Variants in PIP4K2A observed in about 807,000 individuals in gnomAD.
The protein encoded by PIP4K2A is phosphatidylinositol 5-phosphate 4-kinase type-2 alpha.
A neutral mutation model predicts 42.9 loss-of-function variants in PIP4K2A; 14 were observed. That is an observed-to-expected ratio of 0.33 (90% confidence interval 0.22 to 0.51). The LOEUF (loss-of-function observed/expected upper bound fraction) is 0.51, where lower values mean the gene tolerates loss of function less well. Among genes scored for constraint, PIP4K2A ranks in the 20% least tolerant of loss-of-function variants. The pLI is 0.97. For missense variants in PIP4K2A, 434 were observed against 519.8 expected, an observed-to-expected ratio of 0.83 and a Z score of 1.61; for synonymous variants, 192 against 192.2, an observed-to-expected ratio of 1.00 and a Z score of 0.01.
chr10:22,672,670 C>CT (rs1243531957), intron 1 of PIP4K2A, among the ~76,000 whole-genome samples: 1 of 152,082 alleles, frequency 6.6e-6, no homozygotes, highest in African/African-American at 2.4e-5. Flanking sequence ...CCAGAAGGGC[C>CT]TATTAAGAAG....
intron 1 of PIP4K2A, among the ~76,000 whole-genome samples, chr10:22,664,204 CATATATATATATACATAT>C: frequency 2.1e-5 from 1 of 47,734 alleles, no homozygotes; most frequent in South Asian, 5.2e-4. Context: ...TATATATATA[CATATATATATATACATAT>C]ATATATACAC....
At chr10:22,538,615 A>C (rs993735599) in intron 9 of PIP4K2A, among the ~76,000 whole-genome samples, 10 of 152,332 alleles carry the variant, frequency 6.6e-5, no homozygotes, top group South Asian at 4.1e-4. Context: ...CATGGTTTTC[A>C]ACCAGAGGTG....
chr10:22,666,380 C>G (rs577022081), intron 1 of PIP4K2A, among the ~76,000 whole-genome samples: 60 of 152,260 alleles, frequency 3.9e-4, no homozygotes, highest in Non-Finnish European at 8.1e-4. Flanking sequence ...ATATAAAAGT[C>G]ACGGGAGAAA....
intron 1 of PIP4K2A, among the ~76,000 whole-genome samples, chr10:22,673,575 C>T (rs1239176243): frequency 6.6e-6 from 1 of 151,940 alleles, no homozygotes; most frequent in African/African-American, 2.4e-5. Context: ...CACACAATTC[C>T]AAAACAACCA....
At chr10:22,565,327 T>C (rs1216222210) in intron 6 of PIP4K2A, among the ~76,000 whole-genome samples, 1 of 152,242 alleles carries the variant, frequency 6.6e-6, no homozygotes, top group African/African-American at 2.4e-5. Flanking sequence ...AGGGACCGGC[T>C]AAAGCCATGA....
chr10:22,535,890 GAAA>G lies in PIP4K2A; in HGVS notation c.*1308_*1310del, dbSNP rs34435373. 1.1e-5 allele frequency: 4 copies of G among 373,106 alleles called. No individual in the cohort carries two copies. 23.1% of individuals were successfully genotyped at this position (373,106 alleles called of 1,614,324 possible). On this transcript the variant is annotated 3_prime_UTR_variant, in exon 10 of 10. Transcript: ENST00000376573. Reference sequence around the variant, plus strand: ...TAGGTTGATAAATGTACATTTGGAGGAAAAAAAAATCCTTTTCCTTTTATTGTG... The same window carrying G: ...TAGGTTGATAAATGTACATTTGGAGGAAAAAATCCTTTTCCTTTTATTGTG...
Position 22,674,441 on chromosome 10 carries a change from A to C in PIP4K2A, c.144+39742T>G, listed in dbSNP as rs986908041. On this transcript the variant is annotated intron_variant, in intron 1 of 9. Transcript: ENST00000376573. ...AAAAAAAAAAAAAAAAAAAAAAAGA[A>C]GACCAGACCAGCTGTTTCTCCTACT... 5.3e-5 allele frequency among the ~76,000 whole-genome samples: 8 copies of C among 151,160 alleles called. No individual in the cohort carries two copies. The East Asian group carries it at 7.8e-4, about 15-fold the overall frequency.
intron 1 of PIP4K2A, among the ~76,000 whole-genome samples, chr10:22,695,466 T>G (rs1839950388): frequency 6.6e-6 from 1 of 152,250 alleles, no homozygotes; most frequent in African/African-American, 2.4e-5. Flanking sequence ...AATCATTTAT[T>G]ATTTGTTTCT....
At chr10:22,640,694 T>C (rs1343153921) in intron 1 of PIP4K2A, among the ~76,000 whole-genome samples, 6 of 152,120 alleles carry the variant, frequency 3.9e-5, no homozygotes, top group Non-Finnish European at 7.3e-5. Flanking sequence ...TTATTTACCT[T>C]CTCCTCCGCC....
At chr10:22,539,926 A>AGAGG (rs1554792206) in intron 9 of PIP4K2A, 45 bp downstream of exon 9, 5 of 983,718 alleles carry the variant, frequency 5.1e-6, no homozygotes, top group African/African-American at 5.0e-5. Flanking sequence ...AGAGAGAGAG[A>AGAGG]GAGAGGGAGA....
chr10:22,560,115 C>T (rs1836649449), intron 6 of PIP4K2A, among the ~76,000 whole-genome samples: 1 of 152,194 alleles, frequency 6.6e-6, no homozygotes, highest in South Asian at 2.1e-4. Context: ...CCCTAACTAA[C>T]ACTGGCTGGC....
chr10:22,685,609 G>A (rs1349741205), intron 1 of PIP4K2A, among the ~76,000 whole-genome samples: 1 of 152,110 alleles, frequency 6.6e-6, no homozygotes, highest in South Asian at 2.1e-4. Context: ...AGCTACCCAG[G>A]GGGGCTAAGG....
intron 1 of PIP4K2A, among the ~76,000 whole-genome samples, chr10:22,680,165 A>T (rs1839632086): frequency 2.0e-5 from 3 of 152,154 alleles, no homozygotes; most frequent in Admixed American, 2.0e-4. Flanking sequence ...CTACTTTTGA[A>T]TTATGTGGAT....
intron 4 of PIP4K2A, among the ~76,000 whole-genome samples, chr10:22,577,252 G>A (rs1837146612): frequency 6.6e-6 from 1 of 152,052 alleles, no homozygotes; most frequent in Non-Finnish European, 1.5e-5. Context: ...TGCCATGGGA[G>A]GGGAATGGCT....
chr10:22,656,814 C>A (rs1588689337), intron 1 of PIP4K2A, among the ~76,000 whole-genome samples: 4 of 148,920 alleles, frequency 2.7e-5, no homozygotes, highest in African/African-American at 4.9e-5. Flanking sequence ...AAAAAAAAAG[C>A]AAAGAAAAAA....
intron 1 of PIP4K2A, among the ~76,000 whole-genome samples, chr10:22,622,700 C>T (rs547606281): frequency 9.8e-5 from 15 of 152,336 alleles, no homozygotes; most frequent in African/African-American, 3.4e-4. Context: ...TCCAGCACCT[C>T]GTTCTAAAAC....
At chr10:22,712,913 G>GGTGTGTGTGTGT (rs35439666) in intron 1 of PIP4K2A, among the ~76,000 whole-genome samples, 6 of 147,502 alleles carry the variant, frequency 4.1e-5, no homozygotes, top group African/African-American at 1.5e-4. Context: ...CTACATTGAG[G>GGTGTGTGTGTGT]GTGTGTGTGT....
chr10:22,682,060 G>A (rs1446417071), intron 1 of PIP4K2A, among the ~76,000 whole-genome samples: 6 of 151,858 alleles, frequency 4.0e-5, no homozygotes, highest in East Asian at 1.9e-4. Context: ...AACAAGCAGC[G>A]GGCCAGATCT....
At chr10:22,686,442 T>C (rs565757210) in intron 1 of PIP4K2A, among the ~76,000 whole-genome samples, 1 of 152,312 alleles carries the variant, frequency 6.6e-6, no homozygotes, top group Non-Finnish European at 1.5e-5. Context: ...CACTCAATAA[T>C]TGAAGAAAGC....
Sources: allele counts gnomAD v4.1 joint callset (sites outside exome capture counted in the v4.1 genomes callset), GRCh38; gene constraint gnomAD v4.1.1; transcripts MANE v1.5; gene names NCBI Gene and HGNC (gene_info 2026-07-23, HGNC 2026-07-21).